Variants in CACNA1H observed in about 807,000 individuals in gnomAD.
CACNA1H encodes voltage-dependent T-type calcium channel subunit alpha-1H.
Under a neutral mutation model 192.5 loss-of-function variants are expected in CACNA1H, and 149 were observed. The observed-to-expected ratio is 0.77, with a 90% confidence interval of 0.68 to 0.89. CACNA1H has a LOEUF of 0.89. CACNA1H is among the 40% of genes least tolerant of loss of function. CACNA1H has a pLI of 0.00. For missense variants in CACNA1H, 4,257 were observed against 3,423.5 expected (o/e 1.24, Z -6.08); for synonymous variants, 2,202 against 1,475.2 (o/e 1.49, Z -11.29).
At position 1,213,801 on chromosome 16, in the gene CACNA1H, A is replaced by T; in HGVS notation, c.4799A>T (p.Tyr1600Phe). ...PSPEAQRRPYYADYSPTRRSI... is the reference protein window; with the variant it reads ...PSPEAQRRPYFADYSPTRRSI... ...GCAGAGGCCCAGCGCCGGCCCTACT[A>T]TGCCGACTACTCGCCCACGCGCCGC... is the stretch of plus-strand genomic sequence containing the variant. The change falls in exon 27 of 35, where the codon TAT (tyrosine) becomes TTT (phenylalanine). Residue 1600 changes from tyrosine (Y) to phenylalanine (F), a missense_variant. Transcript: ENST00000348261. 1 of 1,570,936 alleles carries T rather than the reference A, an allele frequency of 6.4e-7. No individual in the cohort carries two copies. The highest frequency in any genetic ancestry group is 8.6e-7 in the Non-Finnish European group (1 of 1,160,430).
At chr16:1,171,165 G>T (rs1015318416) in intron 2 of CACNA1H, among the ~76,000 whole-genome samples, 2 of 152,106 alleles carry the variant, frequency 1.3e-5, no homozygotes, top group Non-Finnish European at 2.9e-5. Flanking sequence ...GCTCTCTGGG[G>T]AGCCCTGGAA....
rs1463461836 is a variant in CACNA1H, at chr16:1,209,280, G to A, written c.3612G>A (p.Leu1204=). 11 of 1,560,774 alleles carry A rather than the reference G, an allele frequency of 7.0e-6. No individual in the cohort carries two copies. In the Admixed American group the frequency reaches 2.1e-4, roughly 29 times the overall value. The change falls in exon 17 of 35, where the codon CTG becomes CTA. Residue 1204 remains leucine, a synonymous_variant. Transcript: ENST00000348261. ...CCGAGTCCCTGGACCCACGGCCCCT[G>A]CGGCCGGCCGCCCTCCCGCCTACCA... ...RRAESLDPRP[L]RPAALPPTKC...
rs200807634 is a variant in CACNA1H, at chr16:1,213,868, C to T, written c.4866C>T (p.Phe1622=). The T allele has an allele frequency of 5.0e-6, 8 of 1,610,856 alleles. No homozygotes were observed. In the African/African-American group the frequency reaches 5.3e-5, roughly 11 times the overall value. ...SLCTSHYLDL[F]ITFIICVNVI... ...GCACCAGCCACTATCTCGACCTCTT[C>T]ATCACCTTCATCATCTGTGTCAACG... is the stretch of plus-strand genomic sequence containing the variant. Residue 1622 remains phenylalanine (F), a synonymous_variant, in exon 27 of 35, where the codon TTC becomes TTT. Coordinates refer to ENST00000348261, the MANE Select transcript of CACNA1H (RefSeq NM_021098.3).
intron 2 of CACNA1H, 115 bp from the exon 3 acceptor site, chr16:1,194,857 A>G (rs1966852622): frequency 2.7e-6 from 2 of 750,278 alleles, no homozygotes; most frequent in Non-Finnish European, 4.7e-6. Flanking sequence ...CATCCTGGAC[A>G]CCCCCACGCG....
rs1969368079 is a variant in CACNA1H at position 1,210,933 on chromosome 16, G to A, written c.4185G>A (p.Leu1395=). Residue 1395 remains leucine, a synonymous_variant, in exon 21 of 35, where the codon CTG becomes CTA. Transcript: ENST00000348261. ...GTGGCGCCAAGATCCTGGGTGTTCT[G>A]CGCGTGCTGCGTCTGCTGCGGACCC... ...SAGGAKILGV[L]RVLRLLRTLR... The A allele has an allele frequency of 6.2e-7, 1 of 1,601,184 alleles. No individual in the cohort carries two copies.
At chr16:1,197,953 C>A (rs11860915) in intron 5 of CACNA1H, among the ~76,000 whole-genome samples, 1 of 152,062 alleles carries the variant, frequency 6.6e-6, no homozygotes, top group Non-Finnish European at 1.5e-5. Context: ...GCACCCAGGA[C>A]CGATGGCTTC....
intron 2 of CACNA1H, among the ~76,000 whole-genome samples, chr16:1,176,826 C>T (rs988058781): frequency 6.6e-6 from 1 of 152,290 alleles, no homozygotes; most frequent in African/African-American, 2.4e-5. Context: ...CCCCTCGGCC[C>T]TTCCCCCGCG....
intron 2 of CACNA1H, among the ~76,000 whole-genome samples, chr16:1,192,804 G>A (rs937586377): frequency 1.3e-5 from 2 of 152,142 alleles, no homozygotes; most frequent in Admixed American, 6.5e-5. Context: ...TCTGGAGGCG[G>A]GTCTCAGCCC....
intron 2 of CACNA1H, 134 bp from the exon 3 acceptor site, chr16:1,194,838 C>A: frequency 1.5e-6 from 1 of 676,056 alleles, no homozygotes; most frequent in South Asian, 1.6e-5. Flanking sequence ...GGTCCCGAGT[C>A]CCCCACCCCA....
intron 2 of CACNA1H, among the ~76,000 whole-genome samples, chr16:1,158,917 C>A (rs930656118): frequency 1.3e-5 from 2 of 151,486 alleles, no homozygotes; most frequent in South Asian, 2.1e-4. Context: ...CCCGCAGAGC[C>A]CCCCCGCTCA....
rs1181779046 is a variant in CACNA1H, at chr16:1,180,306, G to A, written c.300-14666G>A. Among the ~76,000 whole-genome samples, 6 of 152,374 alleles carry A rather than the reference G, an allele frequency of 3.9e-5. No individual in the cohort carries two copies. In the South Asian group the frequency reaches 6.2e-4, roughly 16 times the overall value. ...TCGCCCACAGAGCATAATGTGAGGC[G>A]AGAGGGACTCGGGCTGCTGTGGGCT... On this transcript the variant is annotated intron_variant, in intron 2 of 34. Coordinates refer to ENST00000348261, the MANE Select transcript of CACNA1H (RefSeq NM_021098.3). This position sits in a 1 kb window ranked among gnomAD's most constrained non-coding sequence, Gnocchi z 4.4.
chr16:1,163,602 G>A (rs866216230), intron 2 of CACNA1H, among the ~76,000 whole-genome samples: 2 of 152,250 alleles, frequency 1.3e-5, no homozygotes, highest in African/African-American at 2.4e-5. Flanking sequence ...GCGGGCAGCC[G>A]CCAGCCCTGG....
chr16:1,189,009 G>A (rs1269894613), intron 2 of CACNA1H, among the ~76,000 whole-genome samples: 1 of 151,182 alleles, frequency 6.6e-6, no homozygotes, highest in Non-Finnish European at 1.5e-5. Flanking sequence ...AGAGCTGAGG[G>A]GCTTCTGTGG....
chr16:1,181,317 G>A (rs111712306), intron 2 of CACNA1H, among the ~76,000 whole-genome samples: 1 of 152,254 alleles, frequency 6.6e-6, no homozygotes. Context: ...CCACTGCCAG[G>A]ACAAAGCCAG....
chr16:1,181,478 C>T (rs1965460203), intron 2 of CACNA1H, among the ~76,000 whole-genome samples: 1 of 152,242 alleles, frequency 6.6e-6, no homozygotes. Flanking sequence ...CCCCCGAGGT[C>T]CTTGCCGGTG....
rs1391764044 is a variant in CACNA1H at position 1,215,644 on chromosome 16, G to T, written c.5244+51G>T. On this transcript the variant is annotated intron_variant, in intron 30 of 34. Coordinates refer to ENST00000348261, the MANE Select transcript of CACNA1H (RefSeq NM_021098.3). ...GCGCAGGCCCCCGGAAGACGGGGTT[G>T]CAGGGAGCGCCTCGCCGTCCCCCTC... 2.0e-6 allele frequency: 3 copies of T among 1,494,702 alleles called. No homozygotes were observed. The African/African-American group carries it at 4.1e-5, about 21-fold the overall frequency. 92.6% of individuals were successfully genotyped at this position (1,494,702 alleles called of 1,614,324 possible). A position where few individuals can be genotyped will look rare whatever the true frequency, so the allele number is the denominator to read the frequency against.
At chr16:1,192,448 A>T (rs1237929758) in intron 2 of CACNA1H, among the ~76,000 whole-genome samples, 5 of 152,192 alleles carry the variant, frequency 3.3e-5, no homozygotes, top group Non-Finnish European at 7.3e-5. Context: ...AGTCTTAGAG[A>T]TGGCTGGTCA....
Position 1,195,914 on chromosome 16 carries a change from C to A in CACNA1H, c.546-12C>A. ...TCCTTGTTGAGCTGCTCCCCCTCGG[C>A]CCCGCCCCCAGCATGATGGAGTACT... On this transcript the variant is annotated splice_polypyrimidine_tract_variant and intron_variant, in intron 4 of 34. Transcript: ENST00000348261. 6.2e-7 allele frequency: 1 copy of A among 1,609,040 alleles called. No homozygotes were observed. The highest frequency in any genetic ancestry group is 1.3e-5 in the African/African-American group (1 of 74,968).
chr16:1,220,664 T>G lies in CACNA1H; in HGVS notation c.6732T>G (p.Pro2244=), dbSNP rs757370204. The G allele has an allele frequency of 6.2e-7, 1 of 1,606,940 alleles. No homozygotes were observed. The highest frequency in any genetic ancestry group is 8.5e-7 in the Non-Finnish European group (1 of 1,177,066). ...AGGGCTCAGGCGCCGGGGGGGACCC[T>G]GCAGCCAAGGGGGAGCGCTGGGGCC... ...PTEGSGAGGD[P]AAKGERWGQA... is the part of the protein sequence containing the mutation. The change falls in exon 35 of 35, where the codon CCT becomes CCG. Residue 2244 remains proline, a synonymous_variant. Transcript: ENST00000348261.
Sources: gnomAD v4.1 joint callset for allele counts (sites outside exome capture counted in the v4.1 genomes callset) on GRCh38, gnomAD v4.1.1 for gene constraint, Gnocchi (gnomAD v3.1) non-coding constraint, MANE v1.5 for transcripts, NCBI Gene and HGNC (gene_info 2026-07-23, HGNC 2026-07-21) for gene names.